Variants in ROBO2 observed in about 807,000 individuals in gnomAD.
ROBO2 encodes roundabout guidance receptor 2, also known as roundabout homolog 2.
In ROBO2, 53 loss-of-function variants were observed where a neutral mutation model predicts 160.8. The observed-to-expected ratio is 0.33, with a 90% confidence interval of 0.26 to 0.41. The LOEUF (loss-of-function observed/expected upper bound fraction) is 0.41, where lower values mean the gene tolerates loss of function less well. Among genes scored for constraint, ROBO2 ranks in the 10% least tolerant of loss-of-function variants. The probability of loss-of-function intolerance (pLI) is 1.00; values close to 1 mark genes in which losing one functional copy is unlikely to be tolerated. For synonymous variants in ROBO2, 664 were observed against 611.7 expected (o/e 1.09, Z -1.26); for missense variants, 1,577 against 1,722.4 (o/e 0.92, Z 1.49).
chr3:76,285,258 C>A (rs1208494562), intron 2 of ROBO2, among the ~76,000 whole-genome samples: 4 of 152,200 alleles, frequency 2.6e-5, no homozygotes, highest in Admixed American at 2.6e-4. Flanking sequence ...TTCTCACCTT[C>A]ATTTGATTAT....
chr3:76,222,237 G>T (rs928972959), intron 2 of ROBO2, among the ~76,000 whole-genome samples: 1 of 152,140 alleles, frequency 6.6e-6, no homozygotes, highest in Non-Finnish European at 1.5e-5. Context: ...TTCAGTTCTT[G>T]CCTCCTCAGA....
At chr3:77,439,219 T>G (rs1305439990) in intron 2 of ROBO2, among the ~76,000 whole-genome samples, 1 of 152,080 alleles carries the variant, frequency 6.6e-6, no homozygotes, top group East Asian at 1.9e-4. Context: ...AAGTGAGTAA[T>G]ATCTTGTAAG....
chr3:76,813,721 A>T (rs919045608), intron 2 of ROBO2, among the ~76,000 whole-genome samples: 1 of 152,140 alleles, frequency 6.6e-6, no homozygotes, highest in African/African-American at 2.4e-5. Flanking sequence ...ACTCACCTTG[A>T]TACATACACA....
In ROBO2 at chr3:75,922,078, A is replaced by G. The variant is rs969193543; in HGVS notation, c.-14+15118A>G. ...TGAATTCGCATAATTTCATAATTAA[A>G]TAATTTCATGTTACATAATCTCAAT... On this transcript the variant is annotated intron_variant, in intron 1 of 26. Coordinates refer to the ROBO2 transcript ENST00000487694. Among the ~76,000 whole-genome samples, 9 of 152,304 alleles carry G rather than the reference A, an allele frequency of 5.9e-5. No individual in the cohort carries two copies. In the South Asian group the frequency reaches 8.3e-4, roughly 14 times the overall value.
At chr3:77,074,116 A>G (rs1384362015) in intron 1 of ROBO2, among the ~76,000 whole-genome samples, 3 of 152,254 alleles carry the variant, frequency 2.0e-5, no homozygotes, top group Admixed American at 6.5e-5. Flanking sequence ...TTTTATCACT[A>G]GCACTGTGAC....
At chr3:77,014,009 A>G (rs993664326) in intron 2 of ROBO2, among the ~76,000 whole-genome samples, 1 of 152,042 alleles carries the variant, frequency 6.6e-6, no homozygotes. Context: ...CTTTAAATGC[A>G]CTGAATTTTT....
chr3:77,623,803 A>G (rs999437444), intron 23 of ROBO2, among the ~76,000 whole-genome samples: 6 of 152,124 alleles, frequency 3.9e-5, no homozygotes, highest in African/African-American at 1.2e-4. Flanking sequence ...ATGATACTGA[A>G]CTCTTTTCCA....
intron 2 of ROBO2, among the ~76,000 whole-genome samples, chr3:77,465,169 T>G (rs559880904): frequency 6.6e-6 from 1 of 152,072 alleles, no homozygotes; most frequent in East Asian, 1.9e-4. Context: ...ATATGGTGCA[T>G]GAAAAAAGCC....
At chr3:76,253,001 C>T in intron 2 of ROBO2, among the ~76,000 whole-genome samples, 1 of 152,076 alleles carries the variant, frequency 6.6e-6, no homozygotes, top group East Asian at 1.9e-4. Flanking sequence ...GGCCCCCCCA[C>T]ATTATCAAAC....
At chr3:76,962,013 A>G (rs2079698041) in intron 2 of ROBO2, among the ~76,000 whole-genome samples, 1 of 152,172 alleles carries the variant, frequency 6.6e-6, no homozygotes, top group Non-Finnish European at 1.5e-5. Flanking sequence ...AGAGTGGTCA[A>G]CATAGCAACA....
At chr3:76,960,534 T>G (rs1247365148) in intron 2 of ROBO2, among the ~76,000 whole-genome samples, 1 of 152,130 alleles carries the variant, frequency 6.6e-6, no homozygotes, top group Non-Finnish European at 1.5e-5. Context: ...GTTTCATTTT[T>G]AAAGTCTCTA....
At chr3:77,135,156 T>C (rs1282369490) in intron 2 of ROBO2, among the ~76,000 whole-genome samples, 1 of 152,114 alleles carries the variant, frequency 6.6e-6, no homozygotes, top group Non-Finnish European at 1.5e-5. Flanking sequence ...GCCTTCAACA[T>C]GCAAAACTCC....
At chr3:77,588,956 G>A (rs1446087704) in intron 17 of ROBO2, 23 bp downstream of exon 18, 3 of 1,611,066 alleles carry the variant, frequency 1.9e-6, no homozygotes, top group Non-Finnish European at 2.5e-6. Context: ...TTCCAGCTAA[G>A]AAAATCTCTT....
chr3:77,317,351 G>T (rs1371286992), intron 2 of ROBO2: 5 of 844,496 alleles, frequency 5.9e-6, no homozygotes, highest in Admixed American at 3.6e-5. Flanking sequence ...GACCGTCCAC[G>T]CTCATCTCGG....
intron 22 of ROBO2, 21 bp from the exon 24 acceptor site, chr3:77,622,206 T>A (rs762054297): frequency 1.9e-5 from 31 of 1,609,680 alleles, no homozygotes; most frequent in Admixed American, 5.0e-5. Flanking sequence ...TTTTCTTTTT[T>A]AAATTTCATT....
chr3:77,137,781 G>A (rs1271551212), intron 2 of ROBO2, among the ~76,000 whole-genome samples: 1 of 152,166 alleles, frequency 6.6e-6, no homozygotes, highest in Non-Finnish European at 1.5e-5. Flanking sequence ...ACGCAAGGCA[G>A]GAGACACATT....
intron 1 of ROBO2, among the ~76,000 whole-genome samples, chr3:77,066,551 G>A (rs2066867674): frequency 6.6e-6 from 1 of 152,000 alleles, no homozygotes; most frequent in Non-Finnish European, 1.5e-5. Flanking sequence ...TTTGTATTTG[G>A]TATTTCCCAG....
At chr3:77,627,538 G>A (rs922190794) in intron 23 of ROBO2, among the ~76,000 whole-genome samples, 1 of 151,956 alleles carries the variant, frequency 6.6e-6, no homozygotes, top group Non-Finnish European at 1.5e-5. Context: ...GCCCATTTTA[G>A]CCTCCCAGAG....
At chr3:76,079,820 C>G (rs1054358762) in intron 2 of ROBO2, among the ~76,000 whole-genome samples, 16 of 150,360 alleles carry the variant, frequency 1.1e-4, no homozygotes, top group African/African-American at 3.7e-4. Flanking sequence ...AAACAAGGGA[C>G]TAACAACAAC....
Sources: allele counts gnomAD v4.1 joint callset (sites outside exome capture counted in the v4.1 genomes callset), GRCh38; gene constraint gnomAD v4.1.1; transcripts MANE v1.5; gene names NCBI Gene and HGNC (gene_info 2026-07-23, HGNC 2026-07-21).